SGCD: variants seen among roughly 807,000 people sequenced by gnomAD.
SGCD encodes sarcoglycan delta.
Under a neutral mutation model 36.6 loss-of-function variants are expected in SGCD, and 18 were observed. That is an observed-to-expected ratio of 0.49 (90% CI 0.34 to 0.73). The LOEUF (loss-of-function observed/expected upper bound fraction) is 0.73. Ranked by LOEUF, SGCD falls within the 30% of genes least tolerant of loss-of-function variation. SGCD has a pLI of 0.01. For missense variants in SGCD, 387 were observed against 346.7 expected, an observed-to-expected ratio of 1.12 and a Z score of -0.92; for synonymous variants, 133 against 130.6, an observed-to-expected ratio of 1.02 and a Z score of -0.12.
intron 3 of SGCD, among the ~76,000 whole-genome samples, chr5:156,502,406 T>C (rs1024192434): frequency 2.0e-5 from 3 of 152,070 alleles, no homozygotes; most frequent in African/African-American, 7.2e-5. Flanking sequence ...AGAGCATTGA[T>C]GTAATCATAG....
intron 7 of SGCD, among the ~76,000 whole-genome samples, chr5:156,649,717 G>A (rs1341532480): frequency 6.6e-6 from 1 of 151,448 alleles, no homozygotes; most frequent in Non-Finnish European, 1.5e-5. Flanking sequence ...GTTGTGGGGT[G>A]GGGGGAGAGG....
intron 1 of SGCD, among the ~76,000 whole-genome samples, chr5:156,095,143 C>T (rs1761344595): frequency 6.6e-6 from 1 of 152,184 alleles, no homozygotes; most frequent in South Asian, 2.1e-4. Flanking sequence ...TACTAGACCC[C>T]TAGTTGTTGG....
At position 156,348,191 on chromosome 5, in the gene SGCD, A is replaced by G. The variant is rs74723185; in HGVS notation, c.192+3514A>G. On this transcript the variant is annotated intron_variant, in intron 3 of 8. Coordinates refer to ENST00000337851, the MANE Select transcript of SGCD (RefSeq NM_000337.6). The stretch of plus-strand genomic sequence containing the variant: ...ACGTTGGAGAAAGAGAAAAAAATCA[A>G]TGAGATGGCAGTAAAGCAGTTTATG... Among the ~76,000 whole-genome samples, 5 of 152,296 alleles carry G rather than the reference A, an allele frequency of 3.3e-5. No homozygotes were observed. The East Asian group carries it at 9.6e-4, about 29-fold the overall frequency.
At chr5:155,876,949 A>G (rs2113286686) in intron 1 of SGCD, among the ~76,000 whole-genome samples, 1 of 152,238 alleles carries the variant, frequency 6.6e-6, no homozygotes, top group South Asian at 2.1e-4. Context: ...ACCAACTGAT[A>G]AATACTCATT....
At chr5:155,772,913 A>C in the SGCD span, among the ~76,000 whole-genome samples, 3 of 152,144 alleles carry the variant, frequency 2.0e-5, no homozygotes, top group Non-Finnish European at 2.9e-5. Flanking sequence ...AAATCAAGTC[A>C]ACAGTTGATT....
At chr5:156,435,868 T>G (rs1753218756) in intron 3 of SGCD, among the ~76,000 whole-genome samples, 1 of 152,170 alleles carries the variant, frequency 6.6e-6, no homozygotes, top group Non-Finnish European at 1.5e-5. Flanking sequence ...GAGAAACCCT[T>G]AACTCCCAAT....
At chr5:156,090,298 G>T (rs1459427418) in intron 1 of SGCD, among the ~76,000 whole-genome samples, 1 of 152,140 alleles carries the variant, frequency 6.6e-6, no homozygotes, top group East Asian at 1.9e-4. Flanking sequence ...TTCAACATAG[G>T]TTGCTTTCTA....
chr5:156,579,219 G>A (rs999048009), intron 4 of SGCD, among the ~76,000 whole-genome samples: 4 of 152,194 alleles, frequency 2.6e-5, no homozygotes, highest in Non-Finnish European at 4.4e-5. Context: ...TAGTTGAGTG[G>A]TTTTGAGTGT....
the SGCD span, among the ~76,000 whole-genome samples, chr5:155,810,795 C>CTTTTTTTTTT: frequency 1.4e-4 from 5 of 35,334 alleles, 1 homozygote; most frequent in African/African-American, 2.1e-4. Flanking sequence ...TTAGTGTCTG[C>CTTTTTTTTTT]TTTTTTTTTT....
intron 3 of SGCD, among the ~76,000 whole-genome samples, chr5:156,413,182 C>T (rs1772860480): frequency 6.6e-6 from 1 of 152,160 alleles, no homozygotes; most frequent in Non-Finnish European, 1.5e-5. Flanking sequence ...TAATTGCACA[C>T]TGGCAAATGC....
chr5:156,198,919 C>T (rs372499984), intron 3 of SGCD, among the ~76,000 whole-genome samples: 4 of 152,084 alleles, frequency 2.6e-5, no homozygotes, highest in East Asian at 3.9e-4. Context: ...TGGATTCAAA[C>T]TCATGGGCTA....
At chr5:156,758,761 G>T (rs1199505935) in intron 8 of SGCD, among the ~76,000 whole-genome samples, 1 of 150,592 alleles carries the variant, frequency 6.6e-6, no homozygotes, top group Non-Finnish European at 1.5e-5. Context: ...ATATTCTATA[G>T]ACCATCAGCC....
the SGCD span, among the ~76,000 whole-genome samples, chr5:155,837,392 A>C: frequency 6.6e-6 from 1 of 152,170 alleles, no homozygotes; most frequent in Non-Finnish European, 1.5e-5. Context: ...TTCTGACCTC[A>C]GGTGATACAC....
At position 156,416,110 on chromosome 5, in the gene SGCD, G is replaced by A. The variant is rs546987058; in HGVS notation, c.192+71433G>A. Among the ~76,000 whole-genome samples, 16 of 152,244 alleles carry A rather than the reference G, an allele frequency of 1.1e-4. 1 individual carries two copies. In the East Asian group the frequency reaches 2.5e-3, roughly 24 times the overall value. ...CTCCTTTTAACTATGCTGGACAAAT[G>A]TCTGGGAGGAAATGCCCATCAATCA... On this transcript the variant is annotated intron_variant, in intron 3 of 8. Transcript: ENST00000337851.
intron 4 of SGCD, among the ~76,000 whole-genome samples, chr5:156,588,588 G>T (rs951258117): frequency 6.6e-6 from 1 of 152,130 alleles, no homozygotes; most frequent in African/African-American, 2.4e-5. Context: ...AAGTTGGGGA[G>T]CCCTTTAGAT....
At chr5:156,096,940 C>T (rs1279516639) in intron 1 of SGCD, among the ~76,000 whole-genome samples, 1 of 151,992 alleles carries the variant, frequency 6.6e-6, no homozygotes, top group Non-Finnish European at 1.5e-5. Context: ...TTTTATTTCC[C>T]TTTCCTTCCT....
At chr5:156,596,940 T>C (rs953264883) in intron 6 of SGCD, among the ~76,000 whole-genome samples, 8 of 152,186 alleles carry the variant, frequency 5.3e-5, no homozygotes, top group African/African-American at 1.7e-4. Context: ...TACTGTCCTG[T>C]CCCAGTCTCA....
intron 4 of SGCD, among the ~76,000 whole-genome samples, chr5:156,583,703 A>G (rs967588791): frequency 6.6e-6 from 1 of 152,256 alleles, no homozygotes; most frequent in African/African-American, 2.4e-5. Context: ...ATATCTGGAC[A>G]TACCACAAAG....
chr5:156,309,097 TTTGA>T (rs1275914454), intron 3 of SGCD, among the ~76,000 whole-genome samples: 1 of 152,186 alleles, frequency 6.6e-6, no homozygotes, highest in Admixed American at 6.5e-5. Context: ...CTTTTGACAG[TTTGA>T]TTGTAATTTC....
Sources: gnomAD v4.1 joint callset for allele counts (sites outside exome capture counted in the v4.1 genomes callset) on GRCh38, gnomAD v4.1.1 for gene constraint, MANE v1.5 for transcripts, NCBI Gene and HGNC (gene_info 2026-07-23, HGNC 2026-07-21) for gene names.